The following PTPRM variants were observed in gnomAD, a reference collection of about 807,000 sequenced individuals.
PTPRM encodes the protein receptor-type tyrosine-protein phosphatase mu.
In PTPRM, 47 loss-of-function variants were observed where a neutral mutation model predicts 186.7. The observed-to-expected ratio is 0.25, with a 90% confidence interval of 0.20 to 0.32. PTPRM has a LOEUF of 0.32. PTPRM is among the 10% of genes least tolerant of loss of function. The pLI is 1.00. For missense variants in PTPRM, 1,494 were observed against 1,865.0 expected, an observed-to-expected ratio of 0.80 and a Z score of 3.66; for synonymous variants, 668 against 674.9, an observed-to-expected ratio of 0.99 and a Z score of 0.16.
At chr18:7,722,747 A>T (rs1174644339) in intron 1 of PTPRM, among the ~76,000 whole-genome samples, 2 of 152,210 alleles carry the variant, frequency 1.3e-5, no homozygotes, top group Non-Finnish European at 2.9e-5. Context: ...ATATAAAGGG[A>T]TAATCTACCT....
rs139480743 is a variant in PTPRM, at chr18:8,224,280, T to C, written c.2301-19778T>C. Reference sequence around the variant, plus strand: ...CTCCAGTTTTCTCTTTTTATTTAAATCTTGTGACTCTTCAATCACAAGAAA... The same window carrying C: ...CTCCAGTTTTCTCTTTTTATTTAAACCTTGTGACTCTTCAATCACAAGAAA... On this transcript the variant is annotated intron_variant, in intron 14 of 32. Coordinates refer to ENST00000580170, the MANE Select transcript of PTPRM (RefSeq NM_001105244.2). Among the ~76,000 whole-genome samples the C allele has an allele frequency of 1.1e-3, 166 of 152,322 alleles. 2 individuals are homozygous for C. The East Asian group carries it at 0.028, about 25-fold the overall frequency.
chr18:7,731,707 G>C (rs1434031369), intron 1 of PTPRM, among the ~76,000 whole-genome samples: 1 of 152,046 alleles, frequency 6.6e-6, no homozygotes, highest in Non-Finnish European at 1.5e-5. Context: ...GTATCTTTTA[G>C]GATTAAGGGA....
chr18:7,583,716 T>C (rs2036905317), intron 1 of PTPRM, among the ~76,000 whole-genome samples: 1 of 152,232 alleles, frequency 6.6e-6, no homozygotes, highest in East Asian at 1.9e-4. Flanking sequence ...TTGTCTTTTC[T>C]CTGGTTACAA....
rs766703182 is a variant in PTPRM at position 7,955,156 on chromosome 18, T to A, written c.874T>A (p.Ser292Thr). Reference sequence around the variant, plus strand: ...TCCTATTGCCCCACCTCAGCTCGCCTCTGTAGGAGCCACCTACCTGTGGAT... The same window carrying A: ...TCCTATTGCCCCACCTCAGCTCGCCACTGTAGGAGCCACCTACCTGTGGAT... ...PVPIAPPQLA[S>T]VGATYLWIQL... Residue 292 changes from serine to threonine, a missense_variant, in exon 7 of 33, where the codon TCT becomes ACT. Ser to Thr is a moderately conservative substitution (Grantham distance 58). This residue lies in a region of PTPRM where 91 missense variants were observed against 169.3 expected (regional missense o/e 0.54). Transcript: ENST00000580170. 6 of 1,613,006 alleles carry A rather than the reference T, an allele frequency of 3.7e-6. No individual in the cohort carries two copies. The South Asian group carries it at 4.4e-5, about 12-fold the overall frequency.
At chr18:8,223,534 G>A (rs923278118) in intron 14 of PTPRM, among the ~76,000 whole-genome samples, 12 of 152,166 alleles carry the variant, frequency 7.9e-5, no homozygotes, top group African/African-American at 2.7e-4. Flanking sequence ...ATGAAAGGCC[G>A]AATGCTCTCC....
At chr18:7,592,465 ACT>A (rs1388813192) in intron 1 of PTPRM, among the ~76,000 whole-genome samples, 1 of 151,874 alleles carries the variant, frequency 6.6e-6, no homozygotes, top group Non-Finnish European at 1.5e-5. Flanking sequence ...GCCCTCTGCC[ACT>A]CTCTCAGGAC....
rs201514114 is a variant in PTPRM, at chr18:7,567,937, C to T, written c.73+46C>T. ...CGCCCCCGAGGCGCGCGGGCCGGCG[C>T]GGGACGCCCGGGACGCCGACAGCTC... On this transcript the variant is annotated intron_variant, in intron 1 of 32. Transcript: ENST00000580170. The surrounding 1 kb of genome is among the most constrained non-coding windows in gnomAD (Gnocchi z 4.3). 1,290 of 1,491,416 alleles carry T rather than the reference C, an allele frequency of 8.6e-4. 5 individuals are homozygous for T. The highest frequency in any genetic ancestry group is 8.4e-4 in the Non-Finnish European group (949 of 1,127,218). The allele number at this position is 1,491,416 out of a possible 1,614,324, so 92.4% of individuals were successfully genotyped here.
intron 2 of PTPRM, among the ~76,000 whole-genome samples, chr18:7,878,181 G>T (rs887200036): frequency 2.6e-5 from 4 of 152,172 alleles, no homozygotes; most frequent in African/African-American, 4.8e-5. Flanking sequence ...TGCTAATGCA[G>T]ATTGCTTTTT....
At chr18:8,199,356 C>T (rs528908223) in intron 14 of PTPRM, among the ~76,000 whole-genome samples, 1 of 152,274 alleles carries the variant, frequency 6.6e-6, no homozygotes, top group Admixed American at 6.5e-5. Context: ...CTGCGCTCCT[C>T]ACTCATATCC....
chr18:7,586,682 A>C (rs2036987895), intron 1 of PTPRM, among the ~76,000 whole-genome samples: 1 of 152,196 alleles, frequency 6.6e-6, no homozygotes, highest in South Asian at 2.1e-4. Context: ...AGCACTATAA[A>C]CATTTAAAAA....
intron 13 of PTPRM, among the ~76,000 whole-genome samples, chr18:8,127,830 T>C (rs1215326080): frequency 6.6e-6 from 1 of 152,188 alleles, no homozygotes; most frequent in Non-Finnish European, 1.5e-5. Flanking sequence ...CCATGAGCTC[T>C]ACATAAGAGA....
At chr18:8,212,522 G>A (rs1053317379) in intron 14 of PTPRM, among the ~76,000 whole-genome samples, 1 of 152,064 alleles carries the variant, frequency 6.6e-6, no homozygotes, top group African/African-American at 2.4e-5. Flanking sequence ...ATTATCTATG[G>A]CTGGACACAG....
intron 14 of PTPRM, among the ~76,000 whole-genome samples, chr18:8,174,187 T>C (rs2093448331): frequency 6.6e-6 from 1 of 152,228 alleles, no homozygotes; most frequent in Non-Finnish European, 1.5e-5. Flanking sequence ...CTTTACACTT[T>C]AGCAGAATTC....
chr18:8,383,183 T>G (rs190374040), intron 29 of PTPRM, among the ~76,000 whole-genome samples: 1 of 150,462 alleles, frequency 6.6e-6, no homozygotes, highest in Non-Finnish European at 1.5e-5. Context: ...CTGTAGTCCC[T>G]ACTACTCAGG....
intron 19 of PTPRM, among the ~76,000 whole-genome samples, chr18:8,264,965 T>A (rs981110050): frequency 6.6e-6 from 1 of 152,174 alleles, no homozygotes; most frequent in Non-Finnish European, 1.5e-5. Context: ...ACAAAGCCTG[T>A]GTTCTTTCTA....
rs897550923 is a variant in PTPRM at position 7,634,286 on chromosome 18, T to C, written c.73+66395T>C. 3.9e-5 allele frequency among the ~76,000 whole-genome samples: 6 copies of C among 152,172 alleles called. No individual in the cohort carries two copies. In the East Asian group the frequency reaches 1.2e-3, roughly 29 times the overall value. On this transcript the variant is annotated intron_variant, in intron 1 of 32. Coordinates refer to ENST00000580170, the MANE Select transcript of PTPRM (RefSeq NM_001105244.2). The stretch of plus-strand genomic sequence containing the variant: ...ATCTCCAGCCTCTCGATTCCCATTG[T>C]ACTGTTGCCTCTCTTCAATTTGAGA...
At chr18:7,897,762 C>G (rs1039325043) in intron 3 of PTPRM, among the ~76,000 whole-genome samples, 1 of 152,156 alleles carries the variant, frequency 6.6e-6, no homozygotes, top group Non-Finnish European at 1.5e-5. Context: ...CATATCAACC[C>G]TGTTCTTTAT....
At chr18:7,588,086 T>C (rs1940985408) in intron 1 of PTPRM, among the ~76,000 whole-genome samples, 1 of 152,152 alleles carries the variant, frequency 6.6e-6, no homozygotes, top group South Asian at 2.1e-4. Context: ...TATTAGTCTA[T>C]AGGAATGCCA....
intron 4 of PTPRM, among the ~76,000 whole-genome samples, chr18:7,922,721 T>G (rs1476350853): frequency 6.6e-6 from 1 of 152,170 alleles, no homozygotes; most frequent in African/African-American, 2.4e-5. Context: ...TGAAGCCAAC[T>G]TGCTTCTATG....
Sources: gnomAD v4.1 joint callset for allele counts (sites outside exome capture counted in the v4.1 genomes callset) on GRCh38, gnomAD v4.1.1 for gene constraint, gnomAD v4.1.1 regional missense constraint, Gnocchi (gnomAD v3.1) non-coding constraint, MANE v1.5 for transcripts, NCBI Gene and HGNC (gene_info 2026-07-23, HGNC 2026-07-21) for gene names.